Variants in ERBB4 observed in about 807,000 individuals in gnomAD.
The protein encoded by ERBB4 is erb-b2 receptor tyrosine kinase 4.
Under a neutral mutation model 158.0 loss-of-function variants are expected in ERBB4, and 42 were observed. The observed-to-expected ratio is 0.27, with a 90% CI of 0.21 to 0.34. The LOEUF (loss-of-function observed/expected upper bound fraction) is 0.34. Among genes scored for constraint, ERBB4 ranks in the 10% least tolerant of loss-of-function variants. ERBB4 has a pLI of 1.00. For synonymous variants in ERBB4, 583 were observed against 558.7 expected (o/e 1.04, Z -0.61); for missense variants, 1,333 against 1,624.1 (o/e 0.82, Z 3.08).
intron 19 of ERBB4, among the ~76,000 whole-genome samples, chr2:211,580,882 TA>T (rs2068077602): frequency 1.1e-3 from 3 of 2,628 alleles, no homozygotes; most frequent in Admixed American, 9.4e-3. Flanking sequence ...TATATATATA[TA>T]TATATATATA....
In ERBB4 at chr2:212,010,528, A is replaced by G. The variant is rs191200753; in HGVS notation, c.235-62912T>C. Among the ~76,000 whole-genome samples, 743 of 152,298 alleles carry G rather than the reference A, an allele frequency of 4.9e-3. 3 individuals carry two copies. The highest frequency in any genetic ancestry group is 7.3e-3 in the Non-Finnish European group (498 of 68,020). ...AACAAAGATCACATGCTTCTGAGGG[A>G]ACAGGACAAAGGGCAAAAGCAGAAT... On this transcript the variant is annotated intron_variant, in intron 2 of 27. Transcript: ENST00000342788.
intron 3 of ERBB4, among the ~76,000 whole-genome samples, chr2:211,869,785 C>G (rs1336851367): frequency 1.3e-5 from 2 of 152,018 alleles, no homozygotes; most frequent in Non-Finnish European, 2.9e-5. Context: ...GGTATATATA[C>G]AAATTATATT....
intron 20 of ERBB4, among the ~76,000 whole-genome samples, chr2:211,514,851 A>C (rs1288550779): frequency 6.6e-6 from 1 of 152,134 alleles, no homozygotes; most frequent in African/African-American, 2.4e-5. Flanking sequence ...ATTTTCTTTG[A>C]GTATCACATT....
At chr2:211,490,719 G>A (rs1278895821) in intron 20 of ERBB4, among the ~76,000 whole-genome samples, 1 of 152,002 alleles carries the variant, frequency 6.6e-6, no homozygotes, top group African/African-American at 2.4e-5. Context: ...AGTTACGAAA[G>A]TGTGCTGTAG....
intron 1 of ERBB4, among the ~76,000 whole-genome samples, chr2:212,425,591 A>G (rs1405702123): frequency 6.6e-6 from 1 of 151,770 alleles, no homozygotes; most frequent in Non-Finnish European, 1.5e-5. Flanking sequence ...CATATTGGTT[A>G]TAGTATAAAC....
chr2:212,261,992 C>G (rs2084963482), intron 1 of ERBB4, among the ~76,000 whole-genome samples: 1 of 151,986 alleles, frequency 6.6e-6, no homozygotes, highest in Non-Finnish European at 1.5e-5. Context: ...AGATTTCTTT[C>G]TATAAATCCA....
intron 3 of ERBB4, among the ~76,000 whole-genome samples, chr2:211,843,762 T>G (rs2106009356): frequency 6.6e-6 from 1 of 152,102 alleles, no homozygotes; most frequent in Non-Finnish European, 1.5e-5. Flanking sequence ...ATTTGCTCTG[T>G]ATAAATATCA....
intron 3 of ERBB4, among the ~76,000 whole-genome samples, chr2:211,897,981 C>T (rs183476259): frequency 6.1e-4 from 92 of 151,984 alleles, no homozygotes; most frequent in African/African-American, 2.2e-3. Flanking sequence ...TTACACTGGT[C>T]TTGAACTCCT....
At chr2:211,956,228 T>C (rs13428633) in intron 2 of ERBB4, among the ~76,000 whole-genome samples, 12,645 of 152,150 alleles carry the variant, frequency 0.083, 1,201 homozygotes, top group African/African-American at 0.23. Context: ...AATTGACTTT[T>C]AACTGAAATT....
At chr2:211,497,843 T>G (rs915696249) in intron 20 of ERBB4, among the ~76,000 whole-genome samples, 2 of 152,096 alleles carry the variant, frequency 1.3e-5, no homozygotes, top group East Asian at 3.8e-4. Flanking sequence ...GGCAGAATAA[T>G]GTAAAGTTGC....
At chr2:212,503,606 G>A (rs1316551121) in intron 1 of ERBB4, among the ~76,000 whole-genome samples, 1 of 152,178 alleles carries the variant, frequency 6.6e-6, no homozygotes, top group East Asian at 1.9e-4. Context: ...AGAAATCAGT[G>A]CAAGCCCCCA....
intron 16 of ERBB4, among the ~76,000 whole-genome samples, chr2:211,650,183 G>C (rs2070932226): frequency 6.6e-6 from 1 of 151,930 alleles, no homozygotes; most frequent in Non-Finnish European, 1.5e-5. Flanking sequence ...ATTACATGGT[G>C]AAATAAATTC....
chr2:211,897,545 T>C (rs1279313143), intron 3 of ERBB4, among the ~76,000 whole-genome samples: 3 of 152,024 alleles, frequency 2.0e-5, no homozygotes, highest in Non-Finnish European at 4.4e-5. Flanking sequence ...ACCCACTTTG[T>C]TTCCTGTGCT....
At chr2:211,559,895 T>C (rs2067339088) in intron 20 of ERBB4, among the ~76,000 whole-genome samples, 1 of 152,180 alleles carries the variant, frequency 6.6e-6, no homozygotes, top group African/African-American at 2.4e-5. Context: ...ATTTACGTAA[T>C]ATGAATGTGT....
chr2:212,376,039 T>G (rs1407916531), intron 1 of ERBB4, among the ~76,000 whole-genome samples: 1 of 141,502 alleles, frequency 7.1e-6, no homozygotes, highest in Non-Finnish European at 1.6e-5. Flanking sequence ...CATGCCCTAA[T>G]TGATGAAGAC....
intron 1 of ERBB4, among the ~76,000 whole-genome samples, chr2:212,450,599 C>G (rs988927119): frequency 6.6e-6 from 1 of 152,010 alleles, no homozygotes; most frequent in African/African-American, 2.4e-5. Flanking sequence ...TCTAATGAAA[C>G]CCATTTTGGA....
chr2:212,536,396 C>T (rs1171080176), intron 1 of ERBB4, among the ~76,000 whole-genome samples: 1 of 152,148 alleles, frequency 6.6e-6, no homozygotes, highest in Non-Finnish European at 1.5e-5. Context: ...GCAATTATAC[C>T]AGGGATGCAC....
At chr2:212,234,994 C>A (rs2083809413) in intron 1 of ERBB4, among the ~76,000 whole-genome samples, 1 of 152,064 alleles carries the variant, frequency 6.6e-6, no homozygotes, top group Admixed American at 6.6e-5. Context: ...TTGCATTTAT[C>A]AATTTTGGCT....
intron 19 of ERBB4, among the ~76,000 whole-genome samples, chr2:211,616,189 C>T (rs1559351355): frequency 1.3e-5 from 2 of 152,120 alleles, no homozygotes; most frequent in African/African-American, 2.4e-5. Context: ...AGCAGCTCTA[C>T]ACCCTCAGCT....
Sources: gnomAD v4.1 joint callset for allele counts (sites outside exome capture counted in the v4.1 genomes callset) on GRCh38, gnomAD v4.1.1 for gene constraint, MANE v1.5 for transcripts, NCBI Gene and HGNC (gene_info 2026-07-23, HGNC 2026-07-21) for gene names.